Variants in SPTLC2 observed in about 807,000 individuals in gnomAD.
The protein encoded by SPTLC2 is serine palmitoyltransferase 2.
Under a neutral mutation model 62.0 loss-of-function variants are expected in SPTLC2, and 21 were observed. That is an observed-to-expected ratio of 0.34 (90% CI 0.24 to 0.49). The LOEUF (loss-of-function observed/expected upper bound fraction) is 0.49. SPTLC2 is among the 20% of genes least tolerant of loss of function. SPTLC2 has a pLI of 0.99. For synonymous variants in SPTLC2, 261 were observed against 261.8 expected (o/e 1.00, Z 0.03); for missense variants, 511 against 713.0 (o/e 0.72, Z 3.23).
At chr14:77,555,052 A>C (rs1236400428) in intron 8 of SPTLC2, 2 of 513,732 alleles carry the variant, frequency 3.9e-6, no homozygotes, top group African/African-American at 1.9e-5. Flanking sequence ...TTCACACAAG[A>C]GGGTATTCTA....
At chr14:77,565,476 T>C (rs1282163703) in intron 5 of SPTLC2, among the ~76,000 whole-genome samples, 1 of 152,168 alleles carries the variant, frequency 6.6e-6, no homozygotes, top group Non-Finnish European at 1.5e-5. Context: ...ATCAGTAATA[T>C]GTATCAAAAC....
intron 1 of SPTLC2, among the ~76,000 whole-genome samples, chr14:77,598,122 CAA>C (rs11410783): frequency 6.8e-5 from 8 of 116,948 alleles, no homozygotes; most frequent in African/African-American, 6.8e-5. Context: ...AACCCCATCT[CAA>C]AAAAAAAAAA....
Position 77,509,700 on chromosome 14 carries a change from A to G in SPTLC2, c.*2584T>C. On this transcript the variant is annotated 3_prime_UTR_variant, in exon 12 of 12. Transcript: ENST00000216484. ...TTGGATAAATGATGATACCTAGGAT[A>G]TGACTGGACCCTAGATTTACATTAC... The G allele has an allele frequency of 2.5e-6, 1 of 393,766 alleles. No individual in the cohort carries two copies. Among genetic ancestry groups the G allele is most frequent in the Non-Finnish European group, 4.5e-6 (1 of 223,478 alleles). 24.4% of individuals were successfully genotyped at this position (393,766 alleles called of 1,614,324 possible).
chr14:77,559,880 G>A (rs1239475619), intron 6 of SPTLC2, among the ~76,000 whole-genome samples: 1 of 151,948 alleles, frequency 6.6e-6, no homozygotes, highest in Non-Finnish European at 1.5e-5. Context: ...GATGCAGCAA[G>A]ACCCTGTCTC....
intron 1 of SPTLC2, among the ~76,000 whole-genome samples, chr14:77,601,877 A>T (rs1188054169): frequency 2.0e-5 from 3 of 152,118 alleles, no homozygotes; most frequent in African/African-American, 7.2e-5. Flanking sequence ...TTATCCGTGG[A>T]CCCAAAACTC....
chr14:77,584,872 T>G (rs569079127), intron 2 of SPTLC2, among the ~76,000 whole-genome samples: 2 of 152,336 alleles, frequency 1.3e-5, no homozygotes, highest in East Asian at 3.9e-4. Context: ...GGGTTGCGGA[T>G]GTGATGTAGG....
intron 7 of SPTLC2, 115 bp downstream of exon 7, chr14:77,556,926 T>C (rs1044674794): frequency 6.1e-6 from 5 of 825,192 alleles, no homozygotes; most frequent in Admixed American, 4.1e-5. Context: ...TAGCGACTTA[T>C]AAACACTGTC....
chr14:77,595,766 T>C (rs1333409586), intron 2 of SPTLC2, among the ~76,000 whole-genome samples: 1 of 152,204 alleles, frequency 6.6e-6, no homozygotes, highest in East Asian at 1.9e-4. Flanking sequence ...CGTCTCAGCG[T>C]TGACTTTGCT....
chr14:77,515,125 G>A lies in SPTLC2; in HGVS notation c.1570-2722C>T, dbSNP rs78759818. Among the ~76,000 whole-genome samples the A allele has an allele frequency of 9.1e-4, 138 of 152,234 alleles. 1 individual carries two copies. The highest frequency in any genetic ancestry group is 3.0e-3 in the African/African-American group (123 of 41,548). On this transcript the variant is annotated intron_variant, in intron 11 of 11. Transcript: ENST00000216484. The stretch of plus-strand genomic sequence containing the variant: ...TGAATTCTACTTCACTGGTCTATAC[G>A]TCTATCCTTATGCTAGTACTCGACT...
chr14:77,529,662 G>A (rs1257583360), intron 9 of SPTLC2, among the ~76,000 whole-genome samples: 7 of 91,194 alleles, frequency 7.7e-5, no homozygotes, highest in Admixed American at 7.4e-4. Flanking sequence ...TCATTCTGTC[G>A]CCCAGGCTGG....
chr14:77,527,379 A>G (rs906434174), intron 9 of SPTLC2, among the ~76,000 whole-genome samples: 11 of 152,280 alleles, frequency 7.2e-5, no homozygotes, highest in African/African-American at 2.6e-4. Flanking sequence ...TTAAGGAACT[A>G]GAAGGCCTTG....
At chr14:77,610,655 T>A (rs1355231566) in intron 1 of SPTLC2, among the ~76,000 whole-genome samples, 1 of 152,086 alleles carries the variant, frequency 6.6e-6, no homozygotes, top group Non-Finnish European at 1.5e-5. Flanking sequence ...TATTTCACTG[T>A]ACTTAGAAAT....
At chr14:77,521,309 A>T (rs781739670) in intron 10 of SPTLC2, 137 bp downstream of exon 10, 120 of 1,074,358 alleles carry the variant, frequency 1.1e-4, no homozygotes, top group Non-Finnish European at 1.7e-4. Context: ...CCACTATTTG[A>T]TCTATGGCAT....
At chr14:77,525,221 G>A (rs548189166) in intron 9 of SPTLC2, among the ~76,000 whole-genome samples, 1 of 152,234 alleles carries the variant, frequency 6.6e-6, no homozygotes, top group East Asian at 1.9e-4. Context: ...GGAGTTTGGG[G>A]CTGTAGTGAG....
At chr14:77,587,577 GC>G (rs2079788920) in intron 2 of SPTLC2, among the ~76,000 whole-genome samples, 1 of 151,942 alleles carries the variant, frequency 6.6e-6, no homozygotes, top group Admixed American at 6.6e-5. Flanking sequence ...GACCAGCCTG[GC>G]CAACATGGCG....
chr14:77,607,313 A>G (rs1340380278), intron 1 of SPTLC2, among the ~76,000 whole-genome samples: 2 of 152,236 alleles, frequency 1.3e-5, no homozygotes, highest in African/African-American at 4.8e-5. Context: ...GCTAAATATC[A>G]AAGTTGGAAC....
At position 77,512,173 on chromosome 14, in the gene SPTLC2, A is replaced by C; in HGVS notation, c.*111T>G. 1 of 1,497,164 alleles carries C rather than the reference A, an allele frequency of 6.7e-7. No homozygotes were observed. Among genetic ancestry groups the C allele is most frequent in the South Asian group, 1.1e-5 (1 of 87,770 alleles). 92.7% of individuals were successfully genotyped at this position (1,497,164 alleles called of 1,614,324 possible). ...GGTGGCCACCTTCAGTAGCTGAGGC[A>C]ATGTCTTTCACGTGAGATGGCCACA... On this transcript the variant is annotated 3_prime_UTR_variant, in exon 12 of 12. Coordinates refer to ENST00000216484, the MANE Select transcript of SPTLC2 (RefSeq NM_004863.4).
At chr14:77,604,067 T>A (rs1428544857) in intron 1 of SPTLC2, among the ~76,000 whole-genome samples, 2 of 152,220 alleles carry the variant, frequency 1.3e-5, no homozygotes, top group African/African-American at 4.8e-5. Context: ...ATCCGGTTTG[T>A]GTCAACTTCC....
At chr14:77,588,996 C>CAAAAAAAAAAAA (rs60536883) in intron 2 of SPTLC2, among the ~76,000 whole-genome samples, 1 of 74,628 alleles carries the variant, frequency 1.3e-5, no homozygotes, top group African/African-American at 5.9e-5. Flanking sequence ...GACCTTGTCT[C>CAAAAAAAAAAAA]AAAAAAAAAA....
Sources: allele counts gnomAD v4.1 joint callset (sites outside exome capture counted in the v4.1 genomes callset), GRCh38; gene constraint gnomAD v4.1.1; transcripts MANE v1.5; gene names NCBI Gene and HGNC (gene_info 2026-07-23, HGNC 2026-07-21).